The following FBXL13 variants were observed in gnomAD, a reference collection of about 807,000 sequenced individuals.
FBXL13 encodes F-box and leucine-rich repeat protein 13.
Under a neutral mutation model 83.6 loss-of-function variants are expected in FBXL13, and 67 were observed. That is an observed-to-expected ratio of 0.80 (90% CI 0.66 to 0.98). FBXL13 has a LOEUF of 0.98. FBXL13 is among the 50% of genes least tolerant of loss of function. FBXL13 has a pLI of 0.00. For missense variants in FBXL13, 822 were observed against 866.5 expected, an observed-to-expected ratio of 0.95 and a Z score of 0.64; for synonymous variants, 272 against 299.5, an observed-to-expected ratio of 0.91 and a Z score of 0.95.
At chr7:102,853,757 A>G (rs1015014323) in intron 17 of FBXL13, among the ~76,000 whole-genome samples, 1 of 152,242 alleles carries the variant, frequency 6.6e-6, no homozygotes, top group Non-Finnish European at 1.5e-5. Flanking sequence ...GCAGCCAAAA[A>G]ACACATGAAA....
chr7:102,936,251 G>GT (rs1220757242), intron 8 of FBXL13: 4 of 152,236 alleles, frequency 2.6e-5, no homozygotes, highest in Non-Finnish European at 4.4e-5. Context: ...CAGGAAGATA[G>GT]TAACATTCCC....
In FBXL13 at chr7:102,813,482, T is replaced by G. The variant is rs756112096; in HGVS notation, c.2068A>C (p.Thr690Pro). The stretch of plus-strand genomic sequence containing the variant: ...CCAAACCAACGTGGAGGGTCATTAG[T>G]GTTGTATTCCTGCTGCTGAACTTTA... The change falls in exon 20 of 20, where the codon ACT becomes CCT. Residue 690 changes from threonine to proline, a missense_variant. Thr to Pro is a conservative substitution (Grantham distance 38). Coordinates refer to ENST00000313221, the Ensembl canonical transcript of FBXL13. 8 of 1,614,172 alleles carry G rather than the reference T, an allele frequency of 5.0e-6. No individual in the cohort carries two copies. In the South Asian group the frequency reaches 6.6e-5, roughly 13 times the overall value.
intron 6 of FBXL13, among the ~76,000 whole-genome samples, chr7:103,020,173 T>C (rs1447420292): frequency 1.3e-5 from 2 of 152,114 alleles, no homozygotes; most frequent in African/African-American, 2.4e-5. Flanking sequence ...GTTCAACATA[T>C]GCAAATCAAT....
chr7:102,812,647 A>G (rs1797493398), downstream of FBXL13, among the ~76,000 whole-genome samples: 1 of 152,170 alleles, frequency 6.6e-6, no homozygotes, highest in Non-Finnish European at 1.5e-5. Context: ...CCCCTGGCTC[A>G]AACTCTTAGT....
chr7:102,882,314 T>G (rs768167485), intron 14 of FBXL13, among the ~76,000 whole-genome samples: 1 of 152,234 alleles, frequency 6.6e-6, no homozygotes, highest in African/African-American at 2.4e-5. Flanking sequence ...TGCTGACTTG[T>G]GCTTTCCCAA....
rs1235411098 is a variant in FBXL13, at chr7:102,963,021, G to T, written c.724+512C>A. On this transcript the variant is annotated intron_variant, in intron 8 of 19. Coordinates refer to ENST00000313221, the Ensembl canonical transcript of FBXL13. ...TATATATATATAAAAAAAAAAAAAA[G>T]AATAGACCAAGAACCAGCCGGGCAC... is the stretch of plus-strand genomic sequence containing the variant. Among the ~76,000 whole-genome samples, 10 of 137,546 alleles carry T rather than the reference G, an allele frequency of 7.3e-5. No individual in the cohort carries two copies. The East Asian group carries it at 2.1e-3, about 29-fold the overall frequency. The allele number at this position is 137,546 out of a possible 152,430, so 90.2% of individuals were successfully genotyped here.
chr7:102,946,671 TTTATTTATTTA>T (rs1385720258), intron 8 of FBXL13, among the ~76,000 whole-genome samples: 2 of 150,990 alleles, frequency 1.3e-5, no homozygotes, highest in Non-Finnish European at 3.0e-5. Flanking sequence ...TATTTATTTA[TTTATTTATTTA>T]TTTATTTATT....
intron 18 of FBXL13, among the ~76,000 whole-genome samples, chr7:102,832,599 G>T (rs548125287): frequency 2.0e-5 from 3 of 152,266 alleles, no homozygotes; most frequent in East Asian, 1.9e-4. Flanking sequence ...GTGAATTAAA[G>T]AAATCTTTGA....
chr7:102,826,774 T>A (rs1047427930), intron 18 of FBXL13, among the ~76,000 whole-genome samples: 10 of 107,412 alleles, frequency 9.3e-5, no homozygotes, highest in Non-Finnish European at 1.7e-4. Flanking sequence ...TATATATATG[T>A]ATATATATCT....
chr7:102,934,724 T>G (rs748325991), intron 8 of FBXL13: 36 of 1,497,244 alleles, frequency 2.4e-5, no homozygotes, highest in Non-Finnish European at 3.1e-5. Flanking sequence ...CATGAATAAC[T>G]TGAAATGCTC....
At chr7:102,935,242 C>CTTTTTT (rs71106700) in intron 8 of FBXL13, among the ~76,000 whole-genome samples, 5 of 76,402 alleles carry the variant, frequency 6.5e-5, no homozygotes, top group African/African-American at 2.3e-4. Flanking sequence ...TTTTTTCTTT[C>CTTTTTT]TTTTTTTTTT....
intron 2 of FBXL13, among the ~76,000 whole-genome samples, chr7:103,035,244 T>A (rs1794958861): frequency 6.6e-6 from 1 of 152,164 alleles, no homozygotes; most frequent in Non-Finnish European, 1.5e-5. Flanking sequence ...AGGGTCCCCT[T>A]CAGATGGCCT....
At chr7:103,019,844 C>G (rs1792907076) in intron 6 of FBXL13, among the ~76,000 whole-genome samples, 1 of 152,054 alleles carries the variant, frequency 6.6e-6, no homozygotes, top group African/African-American at 2.4e-5. Context: ...GCCTACCAAC[C>G]AAAGAAAAGG....
At chr7:102,812,839 T>TC (rs1241583921), downstream of FBXL13, among the ~76,000 whole-genome samples, 4 of 150,158 alleles carry the variant, frequency 2.7e-5, no homozygotes, top group African/African-American at 7.3e-5. Flanking sequence ...TGATTTGGCT[T>TC]CTTTTTTTTT....
chr7:102,974,100 T>C (rs183225738), intron 6 of FBXL13, among the ~76,000 whole-genome samples: 1 of 152,142 alleles, frequency 6.6e-6, no homozygotes, highest in Non-Finnish European at 1.5e-5. Context: ...ATAAAAAACC[T>C]GTAAACCTGG....
chr7:103,064,142 T>A lies in FBXL13; in HGVS notation c.-104-8395A>T, dbSNP rs187772316. Among the ~76,000 whole-genome samples the A allele has an allele frequency of 4.7e-3, 711 of 152,270 alleles. 4 individuals carry two copies. Among genetic ancestry groups the A allele is most frequent in the Non-Finnish European group, 7.9e-3 (539 of 68,028 alleles). On this transcript the variant is annotated intron_variant, in intron 1 of 19. Transcript: ENST00000313221. ...GTTCCCAGGACTAAGTGCTTCCCCA[T>A]CAACATCCAGAGAGGGTATATCCAA... is the stretch of plus-strand genomic sequence containing the variant.
At chr7:102,815,019 T>C (rs146238981) in intron 19 of FBXL13, among the ~76,000 whole-genome samples, 1 of 152,288 alleles carries the variant, frequency 6.6e-6, no homozygotes, top group Admixed American at 6.5e-5. Flanking sequence ...TTCTGAACAT[T>C]TTTCCCCTTA....
intron 17 of FBXL13, among the ~76,000 whole-genome samples, chr7:102,849,837 G>A (rs1447347035): frequency 1.3e-5 from 2 of 151,942 alleles, no homozygotes; most frequent in Non-Finnish European, 2.9e-5. Flanking sequence ...CCAAAAGCAG[G>A]GAGGAGAAAA....
At chr7:103,007,597 A>G (rs1017930909) in intron 6 of FBXL13, among the ~76,000 whole-genome samples, 1 of 152,208 alleles carries the variant, frequency 6.6e-6, no homozygotes, top group Non-Finnish European at 1.5e-5. Flanking sequence ...TTGAAGAAAA[A>G]TAGCTCCAGA....
Sources: allele counts gnomAD v4.1 joint callset (sites outside exome capture counted in the v4.1 genomes callset), GRCh38; gene constraint gnomAD v4.1.1; transcripts MANE v1.5; gene names NCBI Gene and HGNC (gene_info 2026-07-23, HGNC 2026-07-21).